BBX: variants seen among roughly 807,000 people sequenced by gnomAD.
BBX encodes BBX high mobility group box domain containing.
BBX carries 30 observed loss-of-function variants against 100.2 expected under a neutral mutation model. The ratio of observed to expected loss-of-function variants is 0.30; its 90% CI spans 0.22 to 0.41. The LOEUF is 0.41. BBX is among the 10% of genes least tolerant of loss of function. The pLI, the probability that BBX is intolerant of heterozygous loss-of-function variation, is 1.00. For synonymous variants in BBX, 376 were observed against 388.1 expected (o/e 0.97, Z 0.37); for missense variants, 1,023 against 1,129.8 (o/e 0.91, Z 1.35).
chr3:107,647,512 A>C (rs2057590530), intron 3 of BBX, among the ~76,000 whole-genome samples: 1 of 152,228 alleles, frequency 6.6e-6, no homozygotes, highest in Admixed American at 6.5e-5. Flanking sequence ...TTTAAAATGG[A>C]ACCTTAATTG....
chr3:107,801,383 G>C, intron 17 of BBX, 102 bp downstream of exon 17: 1 of 1,289,416 alleles, frequency 7.8e-7, no homozygotes, highest in Admixed American at 2.5e-5. Context: ...TTCAAACTTG[G>C]TTCAAGAGCA....
intron 2 of BBX, among the ~76,000 whole-genome samples, chr3:107,588,026 C>T (rs1306891177): frequency 6.6e-6 from 1 of 152,164 alleles, no homozygotes; most frequent in Non-Finnish European, 1.5e-5. Context: ...GTATCACTGA[C>T]CAGAATTATC....
intron 6 of BBX, among the ~76,000 whole-genome samples, chr3:107,731,679 C>CT (rs369828481): frequency 5.3e-5 from 8 of 151,540 alleles, no homozygotes; most frequent in South Asian, 2.1e-4. Context: ...ACCCCTGCCC[C>CT]TTTTTTTTAC....
At chr3:107,622,688 G>A (rs1394771681) in intron 2 of BBX, among the ~76,000 whole-genome samples, 1 of 151,958 alleles carries the variant, frequency 6.6e-6, no homozygotes, top group African/African-American at 2.4e-5. Context: ...TCTTTTTTCT[G>A]TGCAAATTGA....
At chr3:107,550,988 C>G (rs1164918282) in intron 2 of BBX, among the ~76,000 whole-genome samples, 1 of 152,200 alleles carries the variant, frequency 6.6e-6, no homozygotes, top group Non-Finnish European at 1.5e-5. Context: ...ATGAAAACCT[C>G]AAATCAAATT....
chr3:107,529,945 A>G (rs2048044589), intron 2 of BBX, among the ~76,000 whole-genome samples: 1 of 152,180 alleles, frequency 6.6e-6, no homozygotes, highest in African/African-American at 2.4e-5. Context: ...TAAATAGAAG[A>G]TGAGAGAATG....
intron 2 of BBX, chr3:107,638,440 G>C (rs2056978894): frequency 6.6e-6 from 1 of 152,130 alleles, no homozygotes; most frequent in African/African-American, 2.4e-5. Flanking sequence ...CTTCAAAAAG[G>C]AGCATATTGA....
intron 3 of BBX, among the ~76,000 whole-genome samples, chr3:107,687,692 G>A (rs2059928380): frequency 6.6e-6 from 1 of 152,010 alleles, no homozygotes; most frequent in Non-Finnish European, 1.5e-5. Context: ...TACTCTGTCT[G>A]GTACCATTAT....
chr3:107,595,245 A>G (rs909391192), intron 2 of BBX, among the ~76,000 whole-genome samples: 3 of 152,220 alleles, frequency 2.0e-5, no homozygotes, highest in Non-Finnish European at 4.4e-5. Flanking sequence ...TGGGAATAAT[A>G]GCAGAGTTGC....
At chr3:107,611,454 G>A (rs1218029427) in intron 2 of BBX, among the ~76,000 whole-genome samples, 1 of 152,046 alleles carries the variant, frequency 6.6e-6, no homozygotes, top group Non-Finnish European at 1.5e-5. Flanking sequence ...GTTTGTCTGG[G>A]GAAGTCTTTA....
At chr3:107,729,372 T>C (rs76561615) in intron 6 of BBX, among the ~76,000 whole-genome samples, 2,497 of 152,206 alleles carry the variant, frequency 0.016, 66 homozygotes, top group African/African-American at 0.057. Flanking sequence ...GTTGGAAACA[T>C]TGAGGGCAAG....
chr3:107,622,414 G>A (rs757024680), intron 2 of BBX, among the ~76,000 whole-genome samples: 16 of 152,104 alleles, frequency 1.1e-4, no homozygotes, highest in African/African-American at 1.9e-4. Context: ...TTATGTTAGC[G>A]TAACTTTTGA....
chr3:107,777,210 A>T (rs1474814371), intron 12 of BBX, among the ~76,000 whole-genome samples: 2 of 152,148 alleles, frequency 1.3e-5, no homozygotes, highest in African/African-American at 2.4e-5. Flanking sequence ...AGCATATGTA[A>T]GGTTCAGTAC....
intron 3 of BBX, among the ~76,000 whole-genome samples, chr3:107,704,009 C>T (rs1400145850): frequency 5.3e-5 from 8 of 152,114 alleles, no homozygotes; most frequent in Admixed American, 5.2e-4. Context: ...TGTATTATAG[C>T]TCTTTTTCCC....
chr3:107,726,086 T>C (rs537215567), intron 5 of BBX, among the ~76,000 whole-genome samples: 2 of 152,126 alleles, frequency 1.3e-5, no homozygotes, highest in Admixed American at 6.6e-5. Flanking sequence ...GCCTACATGA[T>C]TGAACGGCAT....
intron 3 of BBX, among the ~76,000 whole-genome samples, chr3:107,703,414 A>G (rs2107220756): frequency 6.6e-6 from 1 of 152,234 alleles, no homozygotes; most frequent in African/African-American, 2.4e-5. Context: ...CTAGAACAGC[A>G]TTCCATTTGA....
intron 7 of BBX, among the ~76,000 whole-genome samples, chr3:107,739,136 T>C (rs781578301): frequency 6.6e-5 from 10 of 152,216 alleles, no homozygotes; most frequent in Non-Finnish European, 1.5e-4. Flanking sequence ...TCACTTTCTT[T>C]ATTCTAATTT....
intron 10 of BBX, among the ~76,000 whole-genome samples, chr3:107,757,106 CAT>C (rs1240835665): frequency 6.6e-6 from 1 of 151,934 alleles, no homozygotes; most frequent in Admixed American, 6.6e-5. Context: ...TGTGGGCACA[CAT>C]ATATAGGAAA....
At chr3:107,776,812 A>G (rs1576756696) in intron 12 of BBX, among the ~76,000 whole-genome samples, 1 of 152,314 alleles carries the variant, frequency 6.6e-6, no homozygotes, top group East Asian at 1.9e-4. Flanking sequence ...TATTTGAAAA[A>G]TTCACAACTT....
Sources: allele counts gnomAD v4.1 joint callset (sites outside exome capture counted in the v4.1 genomes callset), GRCh38; gene constraint gnomAD v4.1.1; transcripts MANE v1.5; gene names NCBI Gene and HGNC (gene_info 2026-07-23, HGNC 2026-07-21).